Variants in MYLK observed in about 807,000 individuals in gnomAD.
MYLK encodes myosin light chain kinase, smooth muscle.
In MYLK, 106 loss-of-function variants were observed where a neutral mutation model predicts 203.4. The ratio of observed to expected loss-of-function variants is 0.52; its 90% CI spans 0.45 to 0.61. The LOEUF is 0.61. Ranked by LOEUF, MYLK falls within the 20% of genes least tolerant of loss-of-function variation. The probability of loss-of-function intolerance (pLI) is 0.00; values close to 1 mark genes in which losing one functional copy is unlikely to be tolerated. For missense variants in MYLK, 2,072 were observed against 2,442.3 expected (o/e 0.85, Z 3.20); for synonymous variants, 867 against 959.5 (o/e 0.90, Z 1.78).
chr3:123,735,487 C>T (rs1424827889), intron 8 of MYLK, 71 bp from the exon 9 acceptor site: 16 of 1,569,990 alleles, frequency 1.0e-5, no homozygotes, highest in Admixed American at 1.0e-4. Context: ...CCTCCCCAGG[C>T]ACTTCCTCAT....
chr3:123,832,959 G>GGGT (rs1166655335), intron 2 of MYLK, among the ~76,000 whole-genome samples: 1 of 152,150 alleles, frequency 6.6e-6, no homozygotes, highest in East Asian at 1.9e-4. Flanking sequence ...GAGAGAGAGA[G>GGGT]GGTGGAAACC....
intron 8 of MYLK, chr3:123,735,750 A>G (rs1032125769): frequency 2.9e-6 from 1 of 343,228 alleles, no homozygotes; most frequent in African/African-American, 2.0e-5. Flanking sequence ...GCTGTAACTT[A>G]CCAGTGTACA....
chr3:123,838,356 A>G (rs1330089913), intron 2 of MYLK, among the ~76,000 whole-genome samples: 1 of 152,176 alleles, frequency 6.6e-6, no homozygotes, highest in East Asian at 1.9e-4. Context: ...ACTAAATGAA[A>G]AGCTGAGAGA....
intron 2 of MYLK, chr3:123,835,772 C>A (rs897530472): frequency 6.6e-6 from 1 of 152,152 alleles, no homozygotes; most frequent in Non-Finnish European, 1.5e-5. Flanking sequence ...AATCCCTTTT[C>A]CTTAAAGCCA....
chr3:123,747,454 C>T (rs544827424), intron 5 of MYLK, among the ~76,000 whole-genome samples: 11 of 152,146 alleles, frequency 7.2e-5, no homozygotes, highest in African/African-American at 1.2e-4. Flanking sequence ...GCCAGGCAGA[C>T]GGCTCCAGCC....
At chr3:123,766,467 T>C (rs571979994) in intron 4 of MYLK, among the ~76,000 whole-genome samples, 36 of 152,210 alleles carry the variant, frequency 2.4e-4, no homozygotes, top group Non-Finnish European at 3.5e-4. Context: ...TTGCTGTGAG[T>C]TGAGCAAGAA....
rs1249952555 is a variant in MYLK, at chr3:123,733,002, A to T, written c.1410T>A (p.His470Gln). ...TCCGGGCTTTCAGCAGGCAGAGGTA[A>T]TGGGAGCCAGCATCTTCATAAACCT... ...SIEVYEDAGS[H>Q]YLCLLKARTR... is the part of the protein sequence containing the mutation. The change falls in exon 11 of 34, where the codon CAT becomes CAA. Residue 470 changes from histidine to glutamine, a missense_variant. Around this residue, in one of 3 missense-constraint regions of MYLK, gnomAD observed 683 missense variants for 643.8 expected, o/e 1.06. Coordinates refer to ENST00000360304, the MANE Select transcript of MYLK (RefSeq NM_053025.4). 2 of 1,614,154 alleles carry T rather than the reference A, an allele frequency of 1.2e-6. No homozygotes were observed. Among genetic ancestry groups the T allele is most frequent in the South Asian group, 2.2e-5 (2 of 91,066 alleles).
chr3:123,639,335 C>T (rs1272652854), intron 28 of MYLK, among the ~76,000 whole-genome samples: 1 of 152,242 alleles, frequency 6.6e-6, no homozygotes, highest in Admixed American at 6.5e-5. Context: ...CCCCTGCTTA[C>T]CCCTTTCCTC....
At chr3:123,784,027 C>A (rs991839423) in intron 4 of MYLK, among the ~76,000 whole-genome samples, 2 of 152,180 alleles carry the variant, frequency 1.3e-5, no homozygotes, top group African/African-American at 2.4e-5. Context: ...AGAAATGTCA[C>A]GAGGCCCTTC....
rs569924405 is a variant in MYLK at position 123,831,136 on chromosome 3, G to C, written c.-4+412C>G. Among the ~76,000 whole-genome samples the C allele has an allele frequency of 4.6e-5, 7 of 152,258 alleles. No individual in the cohort carries two copies. The South Asian group carries it at 1.5e-3, about 32-fold the overall frequency. On this transcript the variant is annotated intron_variant, in intron 3 of 33. Transcript: ENST00000360304. ...TTGCCAAGGAACCATGGAGTCAAAG[G>C]AGAAATCAAAACCAGAGTTAGTCAG...
rs373426859 is a variant in MYLK, at chr3:123,642,372, G to A, written c.4620-1868C>T. On this transcript the variant is annotated intron_variant, in intron 27 of 33. Transcript: ENST00000360304. The surrounding 1 kb of genome is among the most constrained non-coding windows in gnomAD (Gnocchi z 4.2). ...AGGTGCTCAACACTTATTACTTATCGTTTGATAAGCTGTGGTGGGCTAGGT... is the reference window on the plus strand; with the variant it reads ...AGGTGCTCAACACTTATTACTTATCATTTGATAAGCTGTGGTGGGCTAGGT... Among the ~76,000 whole-genome samples the A allele has an allele frequency of 2.6e-5, 4 of 152,112 alleles. No individual in the cohort carries two copies. Among genetic ancestry groups the A allele is most frequent in the East Asian group, 3.9e-4 (2 of 5,192 alleles).
intron 2 of MYLK, among the ~76,000 whole-genome samples, chr3:123,874,952 A>G (rs1326852673): frequency 1.3e-5 from 2 of 152,168 alleles, no homozygotes; most frequent in Non-Finnish European, 2.9e-5. Context: ...TACCTATTAG[A>G]ATGTCTAAAA....
intron 2 of MYLK, among the ~76,000 whole-genome samples, chr3:123,864,833 G>C (rs1034394143): frequency 2.0e-5 from 3 of 152,166 alleles, no homozygotes; most frequent in African/African-American, 7.2e-5. Flanking sequence ...TTGAGCCCAG[G>C]AGTTCGAGAC....
chr3:123,772,987 CA>C (rs1262829557), intron 4 of MYLK, among the ~76,000 whole-genome samples: 3 of 151,824 alleles, frequency 2.0e-5, no homozygotes, highest in Admixed American at 2.0e-4. Context: ...AATAGCTATC[CA>C]AAGACTTAAA....
At chr3:123,862,831 C>A (rs1246500871) in intron 2 of MYLK, among the ~76,000 whole-genome samples, 1 of 152,128 alleles carries the variant, frequency 6.6e-6, no homozygotes, top group Non-Finnish European at 1.5e-5. Context: ...GTTTTTCCGT[C>A]TTTTTTCTAT....
At chr3:123,754,597 G>A (rs1438378899) in intron 4 of MYLK, among the ~76,000 whole-genome samples, 2 of 152,216 alleles carry the variant, frequency 1.3e-5, no homozygotes, top group East Asian at 1.9e-4. Flanking sequence ...GAAGGAGACC[G>A]CATCCATTGG....
At chr3:123,754,886 G>A (rs2063315686) in intron 4 of MYLK, among the ~76,000 whole-genome samples, 1 of 152,166 alleles carries the variant, frequency 6.6e-6, no homozygotes, top group African/African-American at 2.4e-5. Flanking sequence ...GGAAATAAAA[G>A]AGCCATGCAA....
intron 2 of MYLK, among the ~76,000 whole-genome samples, chr3:123,834,553 C>A (rs1436662602): frequency 6.6e-6 from 1 of 151,748 alleles, no homozygotes; most frequent in Non-Finnish European, 1.5e-5. Context: ...AGGCAGGTTG[C>A]ACGGGGTTAA....
rs1000831216 is a variant in MYLK at position 123,655,739 on chromosome 3, T to C, written c.4288+1387A>G. ...TACAAGCTCTGTGACTTTGGGCAAG[T>C]AGCTTCTCCCCTCTAAATCTCATTT... On this transcript the variant is annotated intron_variant, in intron 24 of 33. Coordinates refer to ENST00000360304, the MANE Select transcript of MYLK (RefSeq NM_053025.4). Among the ~76,000 whole-genome samples the C allele has an allele frequency of 2.6e-5, 4 of 152,348 alleles. No individual in the cohort carries two copies. The South Asian group carries it at 8.3e-4, about 32-fold the overall frequency.
Sources: allele counts gnomAD v4.1 joint callset (sites outside exome capture counted in the v4.1 genomes callset), GRCh38; gene constraint gnomAD v4.1.1; regional missense constraint gnomAD v4.1.1; non-coding constraint Gnocchi (gnomAD v3.1); transcripts MANE v1.5; gene names NCBI Gene and HGNC (gene_info 2026-07-23, HGNC 2026-07-21).